NTN1: variants seen among roughly 807,000 people sequenced by gnomAD.
NTN1 encodes the protein netrin-1.
A neutral mutation model predicts 54.2 loss-of-function variants in NTN1; 11 were observed. The observed-to-expected ratio is 0.20, with a 90% CI of 0.13 to 0.34. NTN1 has a LOEUF of 0.34. Among genes scored for constraint, NTN1 ranks in the 10% least tolerant of loss-of-function variants. The pLI, the probability that NTN1 is intolerant of heterozygous loss-of-function variation, is 1.00. For missense variants in NTN1, 740 were observed against 893.1 expected, an observed-to-expected ratio of 0.83 and a Z score of 2.18; for synonymous variants, 371 against 382.0, an observed-to-expected ratio of 0.97 and a Z score of 0.33.
At chr17:9,178,143 G>T (rs2092406119) in intron 3 of NTN1, among the ~76,000 whole-genome samples, 1 of 152,256 alleles carries the variant, frequency 6.6e-6, no homozygotes, top group South Asian at 2.1e-4. Flanking sequence ...GTTGCAGTGA[G>T]CCGAGATTAC....
chr17:9,143,173 G>A (rs1390360812), intron 2 of NTN1, among the ~76,000 whole-genome samples: 6 of 152,194 alleles, frequency 3.9e-5, no homozygotes, highest in Admixed American at 6.5e-5. Context: ...CTGTCTGGAC[G>A]GGAGTAGAGG....
intron 6 of NTN1, among the ~76,000 whole-genome samples, chr17:9,230,783 C>G (rs1013338756): frequency 5.3e-5 from 8 of 152,152 alleles, no homozygotes; most frequent in Non-Finnish European, 1.2e-4. Context: ...ATCTGGGCAG[C>G]TTTCTGGCCC....
At chr17:9,170,265 G>A (rs763009374) in intron 3 of NTN1, among the ~76,000 whole-genome samples, 19 of 152,212 alleles carry the variant, frequency 1.2e-4, no homozygotes, top group Non-Finnish European at 2.6e-4. Context: ...AGATGATGTG[G>A]AGGATGTCCG....
At chr17:9,052,865 C>T (rs1399346087) in intron 2 of NTN1, among the ~76,000 whole-genome samples, 1 of 152,206 alleles carries the variant, frequency 6.6e-6, no homozygotes. Context: ...TGACACAGAG[C>T]CCCCGGGCAG....
chr17:9,232,588 C>CT (rs746461933), intron 6 of NTN1, among the ~76,000 whole-genome samples: 1 of 152,180 alleles, frequency 6.6e-6, no homozygotes, highest in African/African-American at 2.4e-5. Flanking sequence ...CTCATGTTGT[C>CT]TAAGTCCTGG....
intron 5 of NTN1, among the ~76,000 whole-genome samples, chr17:9,217,979 C>T (rs532299383): frequency 6.6e-6 from 1 of 152,274 alleles, no homozygotes; most frequent in African/African-American, 2.4e-5. Context: ...TCAGCAGCCA[C>T]CTTCTCTGGA....
Position 9,207,812 on chromosome 17 carries a change from C to G in NTN1, c.1412-13356C>G, listed in dbSNP as rs568789970. Among the ~76,000 whole-genome samples the G allele has an allele frequency of 2.2e-4, 34 of 152,334 alleles. No individual in the cohort carries two copies. The East Asian group carries it at 6.2e-3, about 28-fold the overall frequency. ...GCCTTCTGATTCAGAGCTCAAGGGT[C>G]CCATTTTTCAGATATTAGCTGTACA... On this transcript the variant is annotated intron_variant, in intron 5 of 6. Transcript: ENST00000173229.
chr17:9,010,095 T>C, the NTN1 span, among the ~76,000 whole-genome samples: 1 of 152,240 alleles, frequency 6.6e-6, no homozygotes, highest in Non-Finnish European at 1.5e-5. Flanking sequence ...AGGATTCTAC[T>C]GTCAGCTGTC....
chr17:9,220,499 G>A (rs1905308777), intron 5 of NTN1, among the ~76,000 whole-genome samples: 1 of 152,106 alleles, frequency 6.6e-6, no homozygotes, highest in Non-Finnish European at 1.5e-5. Context: ...GGGCTGGCAG[G>A]CCCTGGTGCC....
chr17:9,145,079 C>T (rs1374543733), intron 2 of NTN1, among the ~76,000 whole-genome samples: 2 of 152,154 alleles, frequency 1.3e-5, no homozygotes, highest in Non-Finnish European at 2.9e-5. Flanking sequence ...CTGAGGCAGG[C>T]GCATGAAATC....
At chr17:9,081,782 T>G (rs552755029) in intron 2 of NTN1, among the ~76,000 whole-genome samples, 1 of 152,224 alleles carries the variant, frequency 6.6e-6, no homozygotes, top group South Asian at 2.1e-4. Flanking sequence ...CTTTCATGCC[T>G]TAAGGTTGCC....
intron 2 of NTN1, among the ~76,000 whole-genome samples, chr17:9,078,688 T>C (rs920774070): frequency 1.3e-5 from 2 of 152,258 alleles, no homozygotes; most frequent in East Asian, 3.9e-4. Flanking sequence ...GCAAATAAGA[T>C]AGAAAAGTGA....
Position 9,182,947 on chromosome 17 carries a change from C to T in NTN1, c.1389C>T (p.Ala463=). 6.2e-7 allele frequency: 1 copy of T among 1,614,016 alleles called. No individual in the cohort carries two copies. Among genetic ancestry groups the T allele is most frequent in the Non-Finnish European group, 8.5e-7 (1 of 1,180,002 alleles). ...KIPVAPPTTA[A]SSVEEPEDCD... ...CTGTAGCGCCGCCGACGACTGCAGC[C>T]AGCAGCGTGGAGGAGCCTGAAGGTA... Residue 463 remains alanine (A), a synonymous_variant, in exon 5 of 7, where the codon GCC becomes GCT. Coordinates refer to ENST00000173229, the MANE Select transcript of NTN1 (RefSeq NM_004822.3).
intron 6 of NTN1, among the ~76,000 whole-genome samples, chr17:9,233,146 C>T (rs1403945502): frequency 6.6e-6 from 1 of 152,016 alleles, no homozygotes; most frequent in Non-Finnish European, 1.5e-5. Flanking sequence ...GGGCCCACCT[C>T]GAGCAGCCCA....
intron 6 of NTN1, among the ~76,000 whole-genome samples, chr17:9,235,301 C>T (rs1905947349): frequency 6.6e-6 from 1 of 152,218 alleles, no homozygotes; most frequent in Non-Finnish European, 1.5e-5. Flanking sequence ...GCACACTGCT[C>T]ATCTCCCTGG....
Position 9,239,249 on chromosome 17 carries a change from A to G in NTN1, c.1487-391A>G, listed in dbSNP as rs1832955751. 6.6e-6 allele frequency among the ~76,000 whole-genome samples: 1 copy of G among 152,058 alleles called. No individual in the cohort carries two copies. On this transcript the variant is annotated intron_variant, in intron 6 of 6. Transcript: ENST00000173229. The surrounding 1 kb of genome is among the most constrained non-coding windows in gnomAD (Gnocchi z 5.2). ...GTAAAGTGACTTGGGCCTTTGGAGAAGCGCACCCCTGAGGAACCTCCCTCT... is the reference window on the plus strand; with the variant it reads ...GTAAAGTGACTTGGGCCTTTGGAGAGGCGCACCCCTGAGGAACCTCCCTCT...
intron 5 of NTN1, among the ~76,000 whole-genome samples, chr17:9,185,793 T>C (rs1282040537): frequency 6.6e-6 from 1 of 152,188 alleles, no homozygotes; most frequent in Admixed American, 6.5e-5. Flanking sequence ...GGGGAGTTCT[T>C]GATTTGCAAA....
intron 2 of NTN1, among the ~76,000 whole-genome samples, chr17:9,124,098 G>T (rs1036855066): frequency 3.3e-5 from 5 of 152,168 alleles, no homozygotes; most frequent in Non-Finnish European, 5.9e-5. Flanking sequence ...CCTAGGAAAG[G>T]CTGGGTCTGC....
intron 2 of NTN1, among the ~76,000 whole-genome samples, chr17:9,157,832 T>C (rs1184204199): frequency 6.6e-6 from 1 of 152,246 alleles, no homozygotes; most frequent in Non-Finnish European, 1.5e-5. Flanking sequence ...CTCTCTGTTC[T>C]CACAAAGCTG....
Sources: gnomAD v4.1 joint callset for allele counts (sites outside exome capture counted in the v4.1 genomes callset) on GRCh38, gnomAD v4.1.1 for gene constraint, Gnocchi (gnomAD v3.1) non-coding constraint, MANE v1.5 for transcripts, NCBI Gene and HGNC (gene_info 2026-07-23, HGNC 2026-07-21) for gene names.